MCF2: variants seen among roughly 807,000 people sequenced by gnomAD.
MCF2 encodes the protein MCF.2 cell line derived transforming sequence.
In MCF2, 44 loss-of-function variants were observed where a neutral mutation model predicts 82.5. The observed-to-expected ratio is 0.53, with a 90% CI of 0.42 to 0.69. MCF2 has a LOEUF of 0.69. Ranked by LOEUF, MCF2 falls within the 30% of genes least tolerant of loss-of-function variation. MCF2 has a pLI of 0.00. For synonymous variants in MCF2, 217 were observed against 224.9 expected (o/e 0.96, Z 0.32); for missense variants, 623 against 663.1 (o/e 0.94, Z 0.66).
At chrX:139,622,719 T>C (rs6634092) in intron 6 of MCF2, among the ~76,000 whole-genome samples, 3,104 of 95,109 alleles carry the variant, frequency 0.033, 147 homozygotes, top group African/African-American at 0.11. Context: ...CATCACACTC[T>C]GGGGCCTGTT....
At chrX:139,609,893 T>A (rs773788218) in intron 11 of MCF2, among the ~76,000 whole-genome samples, 1 of 112,330 alleles carries the variant, frequency 8.9e-6, no homozygotes, top group Non-Finnish European at 1.9e-5. Flanking sequence ...GAGCTAAGAG[T>A]TAGCCTCTGC....
At chrX:139,613,146 A>G (rs1220612312) in intron 10 of MCF2, 70 bp downstream of exon 14, 10 of 787,993 alleles carry the variant, frequency 1.3e-5, no homozygotes, top group Non-Finnish European at 1.6e-5. Flanking sequence ...TTAGATGCCA[A>G]ACTGGTTTTT....
intron 1 of MCF2, among the ~76,000 whole-genome samples, chrX:139,698,681 T>C (rs972594425): frequency 6.3e-5 from 7 of 111,816 alleles, no homozygotes; most frequent in Non-Finnish European, 1.1e-4. Context: ...ATTGTACATA[T>C]GACCTGGTTA....
Position 139,659,025 on chromosome X carries a change from C to T in MCF2, c.-44-7237G>A, listed in dbSNP as rs184002016. Among the ~76,000 whole-genome samples the T allele has an allele frequency of 9.6e-3, 1,075 of 111,486 alleles. 17 individuals are homozygous for T. The highest frequency in any genetic ancestry group is 0.041 in the Admixed American group (434 of 10,552). ...CTACTTCTGGCTGGGTGCGGTGGCT[C>T]ACGCCTGTAATCCCAGCACTTTGGG... On this transcript the variant is annotated intron_variant, in intron 1 of 27. Coordinates refer to the MCF2 transcript ENST00000414978.
intron 1 of MCF2, among the ~76,000 whole-genome samples, chrX:139,635,516 G>T (rs779367884): frequency 4.5e-5 from 5 of 109,976 alleles, no homozygotes; most frequent in Non-Finnish European, 9.5e-5. Context: ...AATTAGCCGG[G>T]TGTGTTGGCA....
rs1190810707 is a variant in MCF2, at chrX:139,687,098, C to T, written c.-45+21008G>A. ...CACACATATGCAAACACTCACTCTG[C>T]TTCAGCCATACCCGTCTCTTTCTTG... On this transcript the variant is annotated intron_variant, in intron 1 of 27. Coordinates refer to the MCF2 transcript ENST00000414978. 2.2e-4 allele frequency among the ~76,000 whole-genome samples: 25 copies of T among 111,169 alleles called. No individual in the cohort carries two copies. The Admixed American group carries it at 2.4e-3, about 11-fold the overall frequency.
chrX:139,673,522 T>G (rs1171887003), intron 1 of MCF2, among the ~76,000 whole-genome samples: 1 of 112,137 alleles, frequency 8.9e-6, no homozygotes, highest in African/African-American at 3.2e-5. Context: ...TGTGTCTTTG[T>G]TCTCATTGGT....
chrX:139,678,744 T>C (rs141916414), intron 1 of MCF2, among the ~76,000 whole-genome samples: 15 of 112,387 alleles, frequency 1.3e-4, no homozygotes, highest in Admixed American at 2.8e-4. Flanking sequence ...ATTTGTAGTG[T>C]GTGAAATGTA....
chrX:139,586,657 C>A (rs1345263117), intron 22 of MCF2, among the ~76,000 whole-genome samples, 170 bp from the exon 27 acceptor site: 1 of 111,633 alleles, frequency 9.0e-6, no homozygotes, highest in Non-Finnish European at 1.9e-5. Flanking sequence ...TTATAATATA[C>A]AAAAGCTTAA....
At chrX:139,655,803 T>C (rs1011553365) in intron 1 of MCF2, among the ~76,000 whole-genome samples, 2 of 111,604 alleles carry the variant, frequency 1.8e-5, no homozygotes, top group Non-Finnish European at 3.8e-5. Context: ...TCATGTCATC[T>C]ACAAACAAAA....
At position 139,700,188 on chromosome X, in the gene MCF2, C is replaced by G. The variant is rs1439071890; in HGVS notation, c.-45+7918G>C. 3.6e-5 allele frequency among the ~76,000 whole-genome samples: 4 copies of G among 111,045 alleles called. No individual in the cohort carries two copies. In the Admixed American group the frequency reaches 3.8e-4, roughly 11 times the overall value. Reference sequence around the variant, plus strand: ...AATAGGTGCTGGGAGATTCTTAGGCCCAATTTCCAACGTTTTCCCTTTAAC... The same window carrying G: ...AATAGGTGCTGGGAGATTCTTAGGCGCAATTTCCAACGTTTTCCCTTTAAC... On this transcript the variant is annotated intron_variant, in intron 1 of 27. Transcript: ENST00000414978.
At chrX:139,671,076 T>C (rs1312231190) in intron 1 of MCF2, among the ~76,000 whole-genome samples, 7 of 112,360 alleles carry the variant, frequency 6.2e-5, no homozygotes, top group Non-Finnish European at 1.1e-4. Flanking sequence ...ATGATGAGCA[T>C]TTTTTCATGT....
At chrX:139,688,117 G>A (rs749189858) in intron 1 of MCF2, among the ~76,000 whole-genome samples, 1 of 111,729 alleles carries the variant, frequency 9.0e-6, no homozygotes, top group South Asian at 3.8e-4. Context: ...AAAAGTTAGA[G>A]GGTAAAAGTC....
Position 139,595,342 on chromosome X carries a change from G to T in MCF2, c.2277+1207C>A, listed in dbSNP as rs1229149470. ...GGAATCAACCCAAATGTCCAACAAT[G>T]ATAGACTGGATTAAGAAAATGTGGC... is the stretch of plus-strand genomic sequence containing the variant. On this transcript the variant is annotated intron_variant, in intron 19 of 24. Transcript: ENST00000370576. Among the ~76,000 whole-genome samples, 1,070 of 109,961 alleles carry T rather than the reference G, an allele frequency of 9.7e-3. 12 individuals carry two copies. Among genetic ancestry groups the T allele is most frequent in the African/African-American group, 0.034 (1,017 of 30,168 alleles).
chrX:139,698,385 C>G (rs981888609), intron 1 of MCF2, among the ~76,000 whole-genome samples: 1 of 112,049 alleles, frequency 8.9e-6, no homozygotes. Flanking sequence ...CTTCCCAACT[C>G]TTTCTTTAAT....
rs960279628 is a variant in MCF2, at chrX:139,587,699, A to G, written c.2522+17T>C. On this transcript the variant is annotated intron_variant, in intron 22 of 24. Transcript: ENST00000370576. ...AAAGATTGCAGGAGTGGTATTTCTT[A>G]AAGAATAATCACTTACTCATCATTC... is the stretch of plus-strand genomic sequence containing the variant. 2.7e-6 allele frequency: 3 copies of G among 1,091,960 alleles called. No homozygotes were observed. In the East Asian group the frequency reaches 9.1e-5, roughly 33 times the overall value. 90.0% of individuals were successfully genotyped at this position (1,091,960 alleles called of 1,213,427 possible). A position where few individuals can be genotyped will look rare whatever the true frequency, so the allele number is the denominator to read the frequency against.
chrX:139,682,186 G>A (rs1259048093), intron 1 of MCF2, among the ~76,000 whole-genome samples: 1 of 111,510 alleles, frequency 9.0e-6, no homozygotes, highest in African/African-American at 3.3e-5. Flanking sequence ...GGAAGTGACA[G>A]TGAGAAGACC....
chrX:139,685,742 A>T (rs1327381203), intron 1 of MCF2, among the ~76,000 whole-genome samples: 1 of 110,302 alleles, frequency 9.1e-6, no homozygotes, highest in Non-Finnish European at 1.9e-5. Context: ...TCCAAAATGG[A>T]CTCCTCCCTA....
intron 1 of MCF2, among the ~76,000 whole-genome samples, chrX:139,684,384 T>C (rs1371276516): frequency 4.5e-5 from 5 of 111,883 alleles, no homozygotes; most frequent in Non-Finnish European, 9.4e-5. Flanking sequence ...GGTGGGAATG[T>C]AAAAGGGTGC....
Sources: gnomAD v4.1 joint callset for allele counts (sites outside exome capture counted in the v4.1 genomes callset) on GRCh38, gnomAD v4.1.1 for gene constraint, MANE v1.5 for transcripts, NCBI Gene and HGNC (gene_info 2026-07-23, HGNC 2026-07-21) for gene names.